CPA6: variants seen among roughly 807,000 people sequenced by gnomAD.
CPA6 encodes the protein carboxypeptidase B.
CPA6 carries 58 observed loss-of-function variants against 63.3 expected under a neutral mutation model. That is an observed-to-expected ratio of 0.92 (90% confidence interval 0.74 to 1.14). CPA6 has a LOEUF of 1.14. Among genes scored for constraint, CPA6 ranks in the 50% most tolerant of loss-of-function variants. CPA6 has a pLI of 0.00. For synonymous variants in CPA6, 185 were observed against 179.0 expected (o/e 1.03, Z -0.27); for missense variants, 565 against 526.6 (o/e 1.07, Z -0.71).
At chr8:67,733,820 A>G (rs1461564420) in intron 1 of CPA6, among the ~76,000 whole-genome samples, 1 of 147,884 alleles carries the variant, frequency 6.8e-6, no homozygotes, top group Non-Finnish European at 1.5e-5. Flanking sequence ...AGAAGCTGAG[A>G]TAACTCGGGT....
chr8:67,606,261 G>A (rs1006153350), intron 2 of CPA6, among the ~76,000 whole-genome samples: 1 of 151,642 alleles, frequency 6.6e-6, no homozygotes, highest in Admixed American at 6.6e-5. Flanking sequence ...CAGCACATCA[G>A]CATGGCACAT....
intron 8 of CPA6, among the ~76,000 whole-genome samples, chr8:67,467,733 C>T (rs760298752): frequency 6.6e-5 from 10 of 151,902 alleles, no homozygotes; most frequent in African/African-American, 1.2e-4. Flanking sequence ...CCGGGCACGG[C>T]GGCTTATGCC....
chr8:67,538,367 T>C (rs926392088), intron 2 of CPA6, among the ~76,000 whole-genome samples: 1 of 152,206 alleles, frequency 6.6e-6, no homozygotes, highest in Non-Finnish European at 1.5e-5. Flanking sequence ...ATCTGGGTGC[T>C]CCTGTATTGG....
At chr8:67,741,874 A>T (rs565159062) in intron 1 of CPA6, among the ~76,000 whole-genome samples, 1 of 152,262 alleles carries the variant, frequency 6.6e-6, no homozygotes, top group Non-Finnish European at 1.5e-5. Flanking sequence ...AATCATTCTG[A>T]AACCACCCCC....
At chr8:67,436,386 ATT>A (rs200562889) in intron 8 of CPA6, among the ~76,000 whole-genome samples, 45,302 of 137,138 alleles carry the variant, frequency 0.33, 9,486 homozygotes, top group African/African-American at 0.62. Flanking sequence ...GTTGTTGGGT[ATT>A]TTTTTTTTTT....
intron 2 of CPA6, among the ~76,000 whole-genome samples, chr8:67,544,982 T>A (rs1260247876): frequency 6.6e-6 from 1 of 152,186 alleles, no homozygotes; most frequent in Non-Finnish European, 1.5e-5. Context: ...GCCTGTTTGA[T>A]TCATAATTTA....
chr8:67,641,867 AAAGT>A (rs1815599678), intron 1 of CPA6, among the ~76,000 whole-genome samples: 1 of 152,236 alleles, frequency 6.6e-6, no homozygotes, highest in East Asian at 1.9e-4. Context: ...TTAGCATGGT[AAAGT>A]AATATATAAT....
chr8:67,742,790 G>A (rs1817936733), intron 1 of CPA6, among the ~76,000 whole-genome samples: 1 of 152,156 alleles, frequency 6.6e-6, no homozygotes, highest in Non-Finnish European at 1.5e-5. Flanking sequence ...GACCCAGGCA[G>A]TTAAACTTCA....
chr8:67,671,491 TA>T (rs538717996), intron 1 of CPA6, among the ~76,000 whole-genome samples: 401 of 152,322 alleles, frequency 2.6e-3, no homozygotes, highest in African/African-American at 9.3e-3. Context: ...CTGAGATACC[TA>T]AGCTATAAAA....
chr8:67,727,389 C>T (rs1221481731), intron 1 of CPA6, among the ~76,000 whole-genome samples: 2 of 152,164 alleles, frequency 1.3e-5, no homozygotes, highest in Admixed American at 6.5e-5. Flanking sequence ...ACCTTAGATG[C>T]TGCCTCAGAA....
chr8:67,535,610 C>T (rs185276573), intron 2 of CPA6, among the ~76,000 whole-genome samples: 2 of 152,152 alleles, frequency 1.3e-5, no homozygotes, highest in African/African-American at 2.4e-5. Flanking sequence ...TATTAGCTCT[C>T]TGTCAGATGG....
At chr8:67,536,971 G>A (rs1257191286) in intron 2 of CPA6, among the ~76,000 whole-genome samples, 2 of 152,138 alleles carry the variant, frequency 1.3e-5, no homozygotes, top group African/African-American at 4.8e-5. Flanking sequence ...TTTTGTCATT[G>A]TTTCTGTTTA....
chr8:67,716,151 C>CAAAAAAAAAAAAAAAAAAAAAAAAAAAA (rs56275918), intron 1 of CPA6, among the ~76,000 whole-genome samples: 2 of 76,548 alleles, frequency 2.6e-5, no homozygotes, highest in Admixed American at 1.4e-4. Context: ...GAGCTTGTCT[C>CAAAAAAAAAAAAAAAAAAAAAAAAAAAA]AAAAAAAAAA....
In CPA6 at chr8:67,484,659, G is replaced by A. The variant is rs759445576; in HGVS notation, c.747+20C>T. 1.4e-4 allele frequency: 184 copies of A among 1,271,864 alleles called. 1 individual carries two copies. Among genetic ancestry groups the A allele is most frequent in the Non-Finnish European group, 1.6e-4 (138 of 873,332 alleles). The allele number at this position is 1,271,864 out of a possible 1,614,324, so 78.8% of individuals were successfully genotyped here. On this transcript the variant is annotated intron_variant, in intron 7 of 10. Coordinates refer to ENST00000297770, the MANE Select transcript of CPA6 (RefSeq NM_020361.5). ...GATTTATTTAGTCCTCTTTTCAACT[G>A]GGTAGGCAAAGTGACTTACATTGGT...
At chr8:67,664,144 C>T (rs763132025) in intron 1 of CPA6, among the ~76,000 whole-genome samples, 10 of 152,174 alleles carry the variant, frequency 6.6e-5, no homozygotes, top group Non-Finnish European at 1.5e-4. Context: ...TGGGACTCAG[C>T]TCCTAAGTTT....
At chr8:67,578,233 C>G (rs1813676794) in intron 2 of CPA6, among the ~76,000 whole-genome samples, 2 of 152,268 alleles carry the variant, frequency 1.3e-5, no homozygotes, top group South Asian at 4.1e-4. Context: ...AAGGACACCA[C>G]TTTTCTGTTC....
chr8:67,576,866 C>CTTT (rs34550495), intron 2 of CPA6, among the ~76,000 whole-genome samples: 2 of 142,038 alleles, frequency 1.4e-5, no homozygotes, highest in Non-Finnish European at 1.5e-5. Flanking sequence ...GTCTTAGAAA[C>CTTT]TTTTTTTTTT....
chr8:67,485,843 T>G (rs1012557638), intron 6 of CPA6, among the ~76,000 whole-genome samples: 7 of 152,212 alleles, frequency 4.6e-5, no homozygotes, highest in Non-Finnish European at 8.8e-5. Context: ...AAAGAACAAG[T>G]TTCCATTTGT....
chr8:67,676,101 C>T (rs535303049), intron 1 of CPA6, among the ~76,000 whole-genome samples: 1 of 152,222 alleles, frequency 6.6e-6, no homozygotes, highest in Admixed American at 6.5e-5. Flanking sequence ...ATGTGACACA[C>T]TATACCTATA....
Sources: gnomAD v4.1 joint callset for allele counts (sites outside exome capture counted in the v4.1 genomes callset) on GRCh38, gnomAD v4.1.1 for gene constraint, MANE v1.5 for transcripts, NCBI Gene and HGNC (gene_info 2026-07-23, HGNC 2026-07-21) for gene names.